Variants in WDR59 observed in about 807,000 individuals in gnomAD.
WDR59 encodes the protein GATOR2 complex protein WDR59.
A neutral mutation model predicts 131.2 loss-of-function variants in WDR59; 100 were observed. The ratio of observed to expected loss-of-function variants is 0.76; its 90% CI spans 0.65 to 0.90. WDR59 has a LOEUF of 0.90. Ranked by LOEUF, WDR59 falls within the 40% of genes least tolerant of loss-of-function variation. The pLI, the probability that WDR59 is intolerant of heterozygous loss-of-function variation, is 0.00. For synonymous variants in WDR59, 601 were observed against 466.2 expected (o/e 1.29, Z -3.72); for missense variants, 1,203 against 1,262.2 (o/e 0.95, Z 0.71).
At chr16:74,915,624 C>A in intron 13 of WDR59, 1 of 338,268 alleles carries the variant, frequency 3.0e-6, no homozygotes. Flanking sequence ...CCATGTTGGC[C>A]AGGCTGGTCT....
chr16:74,914,550 T>TG (rs1163771996), intron 13 of WDR59, among the ~76,000 whole-genome samples: 1 of 151,832 alleles, frequency 6.6e-6, no homozygotes, highest in Non-Finnish European at 1.5e-5. Flanking sequence ...GATGTCTCCG[T>TG]TTCCTCAGCT....
In WDR59 at chr16:74,951,548, A is replaced by G. The variant is rs773710162; in HGVS notation, c.241-5T>C. 4.4e-6 allele frequency: 7 copies of G among 1,579,816 alleles called. No homozygotes were observed. In the Admixed American group the frequency reaches 5.6e-5, roughly 13 times the overall value. On this transcript the variant is annotated splice_polypyrimidine_tract_variant and splice_region_variant and intron_variant, in intron 3 of 25. Transcript: ENST00000262144. ...AAGGTCTACTCGTTGGTTACTCTGA[A>G]AAGAAAGGAAAGAAGGCCACAGGCA...
intron 13 of WDR59, among the ~76,000 whole-genome samples, chr16:74,915,160 G>C (rs535731839): frequency 1.2e-4 from 18 of 152,204 alleles, no homozygotes; most frequent in Non-Finnish European, 2.1e-4. Flanking sequence ...GCACAGCACA[G>C]CACAGCACAG....
In WDR59 at chr16:74,908,852, T is replaced by C. The variant is rs1965942419; in HGVS notation, c.1712+56A>G. 3 of 1,499,362 alleles carry C rather than the reference T, an allele frequency of 2.0e-6. No individual in the cohort carries two copies. In the Admixed American group the frequency reaches 5.0e-5, roughly 25 times the overall value. 92.9% of individuals were successfully genotyped at this position (1,499,362 alleles called of 1,614,324 possible). On this transcript the variant is annotated intron_variant, in intron 17 of 25. Coordinates refer to ENST00000262144, the MANE Select transcript of WDR59 (RefSeq NM_030581.4). ...CAAACTCAGTGGTCCTTCCCAGGTC[T>C]CTGGCCACTTCTGGCCCCGGGAACG...
intron 6 of WDR59, among the ~76,000 whole-genome samples, chr16:74,944,668 A>G (rs1341947582): frequency 6.6e-6 from 1 of 151,976 alleles, no homozygotes; most frequent in Non-Finnish European, 1.5e-5. Context: ...GGTATGCTAG[A>G]TCCAGCAGCT....
chr16:74,964,392 G>C (rs369836166), intron 2 of WDR59, among the ~76,000 whole-genome samples: 5 of 111,738 alleles, frequency 4.5e-5, no homozygotes, highest in Middle Eastern at 4.1e-3. Context: ...AAAAAAAAAA[G>C]AGCAGGGAGC....
At chr16:74,974,906 C>A (rs2034125531) in intron 1 of WDR59, among the ~76,000 whole-genome samples, 1 of 152,174 alleles carries the variant, frequency 6.6e-6, no homozygotes, top group South Asian at 2.1e-4. Context: ...TCCTTCTGAC[C>A]TCATGCCATT....
chr16:74,906,420 G>A (rs1002711513), intron 17 of WDR59, among the ~76,000 whole-genome samples: 1 of 151,820 alleles, frequency 6.6e-6, no homozygotes, highest in Non-Finnish European at 1.5e-5. Flanking sequence ...AGCAACCAGT[G>A]CTCTGAAACA....
chr16:74,903,977 G>A lies in WDR59; in HGVS notation c.1836C>T (p.Val612=), dbSNP rs373826435. ...GSPTRSEKEQ[V]SISSFYYKER... ...CCTTGTAGTAGAAGGAGCTGATGGA[G>A]ACCTGCTCTTTCTCGCTGCGAGTGG... The change falls in exon 18 of 26, where the codon GTC becomes GTT. Residue 612 remains valine, a synonymous_variant. Transcript: ENST00000262144. 2.5e-6 allele frequency: 4 copies of A among 1,609,988 alleles called. No individual in the cohort carries two copies. The African/African-American group carries it at 4.0e-5, about 16-fold the overall frequency.
chr16:74,915,980 G>GA lies in WDR59; in HGVS notation c.1113dup (p.Pro372SerfsTer3). 1 of 1,614,178 alleles carries GA rather than the reference G, an allele frequency of 6.2e-7. No individual in the cohort carries two copies. The highest frequency in any genetic ancestry group is 8.5e-7 in the Non-Finnish European group (1 of 1,180,026). On this transcript the variant is annotated frameshift_variant, in exon 13 of 26. Coordinates refer to ENST00000262144, the MANE Select transcript of WDR59 (RefSeq NM_030581.4). LOFTEE classifies it high-confidence loss of function. ...CTCTCTTCCAGGAGATTTCTAGGGGGATCTTCTTTTAGGGCTAGCAGGAGA... is the reference window on the plus strand; with the variant it reads ...CTCTCTTCCAGGAGATTTCTAGGGGGAATCTTCTTTTAGGGCTAGCAGGAGA...
intron 1 of WDR59, among the ~76,000 whole-genome samples, chr16:74,970,427 C>T (rs1050167180): frequency 1.4e-5 from 2 of 142,666 alleles, no homozygotes; most frequent in Non-Finnish European, 3.0e-5. Context: ...ACCCAGGAGG[C>T]GGAGCTTGCA....
Position 74,877,139 on chromosome 16 carries a change from A to G in WDR59, c.2690-2695T>C, listed in dbSNP as rs368005794. Among the ~76,000 whole-genome samples the G allele has an allele frequency of 5.3e-4, 80 of 152,296 alleles. 3 individuals carry two copies. The South Asian group carries it at 5.8e-3, about 11-fold the overall frequency. On this transcript the variant is annotated intron_variant, in intron 25 of 25. Transcript: ENST00000262144. ...TGTTCCAGTTTTATTAAAACGATCA[A>G]TCAACGCGGTGAGGGTATTGTCTTA...
intron 1 of WDR59, among the ~76,000 whole-genome samples, chr16:74,973,224 A>G (rs1040570229): frequency 1.3e-5 from 2 of 152,170 alleles, no homozygotes; most frequent in African/African-American, 4.8e-5. Context: ...CTGAGCAACA[A>G]GAGCAAAACT....
At position 74,922,218 on chromosome 16, in the gene WDR59, C is replaced by A. The variant is rs1395097838; in HGVS notation, c.730-115G>T. The A allele has an allele frequency of 8.2e-6, 11 of 1,340,784 alleles. No homozygotes were observed. In the East Asian group the frequency reaches 1.9e-4, roughly 24 times the overall value. 83.1% of individuals were successfully genotyped at this position (1,340,784 alleles called of 1,614,324 possible). A position where few individuals can be genotyped will look rare whatever the true frequency, so the allele number is the denominator to read the frequency against. On this transcript the variant is annotated intron_variant, in intron 9 of 25. Coordinates refer to ENST00000262144, the MANE Select transcript of WDR59 (RefSeq NM_030581.4). ...GTAAAATAAATTAGATAATGGAAGG[C>A]CCCAACTCATCTGGAGAAATTTTTC... is the stretch of plus-strand genomic sequence containing the variant.
intron 9 of WDR59, 24 bp from the exon 10 acceptor site, chr16:74,922,127 G>C (rs778388608): frequency 6.2e-7 from 1 of 1,613,338 alleles, no homozygotes; most frequent in Non-Finnish European, 8.5e-7. Flanking sequence ...GGGAAAAGCA[G>C]GTGATTAGAT....
rs1179269658 is a variant in WDR59, at chr16:74,981,651, TATATATATA to T, written c.54+3304_54+3312del. Among the ~76,000 whole-genome samples the T allele has an allele frequency of 8.6e-3, 51 of 5,960 alleles. 4 individuals carry two copies. Among genetic ancestry groups the T allele is most frequent in the Non-Finnish European group, 0.01 (17 of 1,654 alleles). 3.9% of individuals were successfully genotyped at this position (5,960 alleles called of 152,430 possible). A position where few individuals can be genotyped will look rare whatever the true frequency, so the allele number is the denominator to read the frequency against. On this transcript the variant is annotated intron_variant, in intron 1 of 25. Coordinates refer to ENST00000262144, the MANE Select transcript of WDR59 (RefSeq NM_030581.4). ...ATATATATATATATATATATATATA[TATATATATA>T]TTTTTTTTTTTTTTAGATGGAGTCT...
At chr16:74,951,592 G>T in intron 3 of WDR59, 49 bp from the exon 4 acceptor site, 1 of 1,505,454 alleles carries the variant, frequency 6.6e-7, no homozygotes, top group Non-Finnish European at 9.1e-7. Context: ...GGGATATATG[G>T]TCTTGCCCCA....
At chr16:74,912,930 C>T (rs1289478726) in intron 13 of WDR59, among the ~76,000 whole-genome samples, 1 of 152,204 alleles carries the variant, frequency 6.6e-6, no homozygotes, top group Non-Finnish European at 1.5e-5. Context: ...CGGTTTTCTG[C>T]CCTGGGTGGG....
intron 1 of WDR59, among the ~76,000 whole-genome samples, chr16:74,966,170 A>G (rs1274718115): frequency 6.6e-6 from 1 of 152,114 alleles, no homozygotes; most frequent in Non-Finnish European, 1.5e-5. Context: ...CATGCAACCA[A>G]GCTGGTACAT....
Sources: allele counts gnomAD v4.1 joint callset (sites outside exome capture counted in the v4.1 genomes callset), GRCh38; gene constraint gnomAD v4.1.1; transcripts MANE v1.5; gene names NCBI Gene and HGNC (gene_info 2026-07-23, HGNC 2026-07-21).